POU6F2: variants seen among roughly 807,000 people sequenced by gnomAD.
POU6F2 encodes the protein POU class 6 homeobox 2.
Under a neutral mutation model 71.3 loss-of-function variants are expected in POU6F2, and 31 were observed. The ratio of observed to expected loss-of-function variants is 0.43; its 90% CI spans 0.33 to 0.59. The LOEUF is 0.59. Ranked by LOEUF, POU6F2 falls within the 20% of genes least tolerant of loss-of-function variation. The pLI is 0.04. For synonymous variants in POU6F2, 347 were observed against 355.7 expected (o/e 0.98, Z 0.27); for missense variants, 783 against 856.8 (o/e 0.91, Z 1.07).
At chr7:39,160,320 G>A (rs1365638715) in intron 2 of POU6F2, among the ~76,000 whole-genome samples, 1 of 152,190 alleles carries the variant, frequency 6.6e-6, no homozygotes, top group African/African-American at 2.4e-5. Context: ...TTATTTCAGA[G>A]CTCTGGTAGG....
At chr7:39,257,670 A>G (rs1583478607) in intron 4 of POU6F2, among the ~76,000 whole-genome samples, 4 of 152,178 alleles carry the variant, frequency 2.6e-5, no homozygotes, top group Admixed American at 1.3e-4. Flanking sequence ...TAGGCTTAGA[A>G]TGGAGCTTTC....
chr7:39,277,851 G>A (rs1323482519), intron 4 of POU6F2, among the ~76,000 whole-genome samples: 1 of 152,034 alleles, frequency 6.6e-6, no homozygotes, highest in Non-Finnish European at 1.5e-5. Flanking sequence ...AAGGTCAAGA[G>A]GTCGAGATCA....
intron 5 of POU6F2, among the ~76,000 whole-genome samples, chr7:39,376,773 G>A (rs1786718580): frequency 6.6e-6 from 1 of 151,918 alleles, no homozygotes; most frequent in South Asian, 2.1e-4. Flanking sequence ...AACTCAAAAT[G>A]ATACTTTAAA....
At chr7:39,384,383 A>T (rs1786892976) in intron 5 of POU6F2, among the ~76,000 whole-genome samples, 2 of 152,220 alleles carry the variant, frequency 1.3e-5, no homozygotes. Context: ...AATGCACTGC[A>T]ACTCAAAGCA....
rs185241625 is a variant in POU6F2, at chr7:39,182,525, T to C, written c.278-21710T>C. 1.1e-3 allele frequency among the ~76,000 whole-genome samples: 173 copies of C among 152,266 alleles called. 1 individual carries two copies. Among genetic ancestry groups the C allele is most frequent in the South Asian group, 8.1e-3 (39 of 4,816 alleles). On this transcript the variant is annotated intron_variant, in intron 2 of 9. Coordinates refer to ENST00000518318, the MANE Select transcript of POU6F2 (RefSeq NM_001370959.1). ...TAGTACTTGTTAACATATTAACAAA[T>C]CTAGTAGGCATCTTTCTCTTCTTTT...
At chr7:39,081,289 C>T (rs1791112921) in intron 1 of POU6F2, among the ~76,000 whole-genome samples, 2 of 152,090 alleles carry the variant, frequency 1.3e-5, no homozygotes, top group Non-Finnish European at 2.9e-5. Context: ...TACAGATAAT[C>T]GAACCTTGCC....
intron 2 of POU6F2, among the ~76,000 whole-genome samples, chr7:39,097,338 A>C (rs558904641): frequency 1.8e-4 from 28 of 152,320 alleles, no homozygotes; most frequent in African/African-American, 6.5e-4. Flanking sequence ...TCCTCTCAAA[A>C]TAAAACAATT....
intron 7 of POU6F2, among the ~76,000 whole-genome samples, chr7:39,435,657 C>T (rs999410889): frequency 2.0e-5 from 3 of 152,182 alleles, no homozygotes; most frequent in Non-Finnish European, 2.9e-5. Context: ...TCAATTTTGG[C>T]ATTTCTTGCC....
At chr7:39,022,338 T>C (rs1284819100) in intron 1 of POU6F2, among the ~76,000 whole-genome samples, 2 of 152,182 alleles carry the variant, frequency 1.3e-5, no homozygotes, top group East Asian at 3.9e-4. Context: ...TTTTCTTCAG[T>C]TTCCTATATT....
chr7:39,201,908 G>T (rs1793913146), intron 2 of POU6F2, among the ~76,000 whole-genome samples: 1 of 152,168 alleles, frequency 6.6e-6, no homozygotes, highest in East Asian at 1.9e-4. Context: ...GGTCCTGCAA[G>T]GTTATGCGTG....
intron 1 of POU6F2, among the ~76,000 whole-genome samples, chr7:39,015,267 A>G: frequency 7.2e-6 from 1 of 139,276 alleles, no homozygotes; most frequent in East Asian, 2.0e-4. Context: ...ATATCTAGAG[A>G]TATGGTATCT....
In POU6F2 at chr7:38,995,279, TA is replaced by T. The variant is rs902389254; in HGVS notation, c.105+17224del. On this transcript the variant is annotated intron_variant, in intron 1 of 9. Coordinates refer to ENST00000518318, the MANE Select transcript of POU6F2 (RefSeq NM_001370959.1). ...ACAACTTAATTAGAAAAGATATTGT[TA>T]AAGAAGCTGTCTTCCAAGAATTTGA... Among the ~76,000 whole-genome samples the T allele has an allele frequency of 3.7e-4, 56 of 152,308 alleles. 1 individual carries two copies. The highest frequency in any genetic ancestry group is 1.2e-3 in the African/African-American group (51 of 41,582).
chr7:38,997,887 C>G (rs901128572), intron 1 of POU6F2, among the ~76,000 whole-genome samples: 1 of 151,992 alleles, frequency 6.6e-6, no homozygotes, highest in African/African-American at 2.4e-5. Context: ...TCCAACAGAC[C>G]CAAGACCCTT....
At position 39,008,236 on chromosome 7, in the gene POU6F2, G is replaced by A. The variant is rs1377955815; in HGVS notation, c.105+30178G>A. ...TTGCCATTCTAACTGGCGTGAGATGGTATCTCATTGTGGTTTTGATTTGCA... is the reference window on the plus strand; with the variant it reads ...TTGCCATTCTAACTGGCGTGAGATGATATCTCATTGTGGTTTTGATTTGCA... On this transcript the variant is annotated intron_variant, in intron 1 of 9. Coordinates refer to ENST00000518318, the MANE Select transcript of POU6F2 (RefSeq NM_001370959.1). 6.0e-5 allele frequency among the ~76,000 whole-genome samples: 9 copies of A among 150,646 alleles called. No individual in the cohort carries two copies. The South Asian group carries it at 1.5e-3, about 25-fold the overall frequency.
intron 4 of POU6F2, among the ~76,000 whole-genome samples, chr7:39,221,312 A>G (rs999269785): frequency 3.0e-4 from 45 of 151,300 alleles, no homozygotes; most frequent in African/African-American, 1.1e-3. Flanking sequence ...TCTCTGCCAT[A>G]GTATAGGAAC....
At chr7:39,237,457 A>G (rs1161945291) in intron 4 of POU6F2, among the ~76,000 whole-genome samples, 1 of 152,194 alleles carries the variant, frequency 6.6e-6, no homozygotes, top group African/African-American at 2.4e-5. Flanking sequence ...TAGACTAATT[A>G]GGACCTTTCT....
At chr7:39,263,829 AAC>A (rs1410456544) in intron 4 of POU6F2, among the ~76,000 whole-genome samples, 1 of 152,180 alleles carries the variant, frequency 6.6e-6, no homozygotes, top group Non-Finnish European at 1.5e-5. Context: ...CGAAGGCAGG[AAC>A]TGTTTTTACT....
intron 2 of POU6F2, among the ~76,000 whole-genome samples, chr7:39,189,740 G>A (rs968796633): frequency 1.3e-5 from 2 of 151,840 alleles, no homozygotes; most frequent in East Asian, 3.9e-4. Flanking sequence ...ACCTCCTGCA[G>A]AAGAATTATT....
At chr7:39,184,862 T>C (rs1233195334) in intron 2 of POU6F2, among the ~76,000 whole-genome samples, 1 of 152,216 alleles carries the variant, frequency 6.6e-6, no homozygotes, top group African/African-American at 2.4e-5. Flanking sequence ...AGCTGTATTT[T>C]CTTTTGAGCA....
Sources: allele counts gnomAD v4.1 joint callset (sites outside exome capture counted in the v4.1 genomes callset), GRCh38; gene constraint gnomAD v4.1.1; transcripts MANE v1.5; gene names NCBI Gene and HGNC (gene_info 2026-07-23, HGNC 2026-07-21).